Variants in COPS2 observed in about 807,000 individuals in gnomAD.
The protein encoded by COPS2 is COP9 signalosome complex subunit 2.
A neutral mutation model predicts 66.1 loss-of-function variants in COPS2; 10 were observed. That is an observed-to-expected ratio of 0.15 (90% CI 0.09 to 0.26). COPS2 has a LOEUF of 0.26. Ranked by LOEUF, COPS2 falls within the 10% of genes least tolerant of loss-of-function variation. The probability of loss-of-function intolerance (pLI) is 1.00; values close to 1 mark genes in which losing one functional copy is unlikely to be tolerated. For missense variants in COPS2, 215 were observed against 513.3 expected (o/e 0.42, Z 5.62); for synonymous variants, 179 against 171.3 (o/e 1.04, Z -0.35).
chr15:49,148,095 A>G (rs2084333734), intron 1 of COPS2, among the ~76,000 whole-genome samples: 1 of 152,184 alleles, frequency 6.6e-6, no homozygotes, highest in Non-Finnish European at 1.5e-5. Flanking sequence ...GTTATTACAC[A>G]GGCATAATTT....
intron 1 of COPS2, among the ~76,000 whole-genome samples, chr15:49,151,416 AT>A (rs1288318852): frequency 2.7e-5 from 4 of 149,486 alleles, no homozygotes; most frequent in Non-Finnish European, 4.5e-5. Flanking sequence ...AAAAAAAAAA[AT>A]TATATTCAAA....
chr15:49,151,971 G>T (rs2084365060), intron 1 of COPS2, among the ~76,000 whole-genome samples: 1 of 151,794 alleles, frequency 6.6e-6, no homozygotes, highest in South Asian at 2.1e-4. Flanking sequence ...AGAACAAAGT[G>T]ATTTAGGGTG....
intron 8 of COPS2, 42 bp from the exon 9 acceptor site, chr15:49,133,853 AAC>A (rs2084233375): frequency 6.5e-7 from 1 of 1,546,028 alleles, no homozygotes; most frequent in Non-Finnish European, 8.7e-7. Flanking sequence ...TGTACAAAGA[AAC>A]AACATTTTAA....
Position 49,134,078 on chromosome 15 carries a change from C to T in COPS2, c.746G>A (p.Gly249Asp). 6.2e-7 allele frequency: 1 copy of T among 1,612,746 alleles called. No individual in the cohort carries two copies. Among genetic ancestry groups the T allele is most frequent in the Non-Finnish European group, 8.5e-7 (1 of 1,179,582 alleles). The change falls in exon 8 of 13, where the codon GGT (glycine) becomes GAT (aspartate). Residue 249 changes from glycine (G) to aspartate (D), a missense_variant. Physicochemically the swap from Gly to Asp is moderately conservative, Grantham distance 94. This residue lies in a region of COPS2 where 56 missense variants were observed against 173.6 expected (regional missense o/e 0.32). Transcript: ENST00000388901. ...ATCAGTGTGTGCCTTTTCAAATTCA[C>T]CTTCCCTCAAGTGCATTTTACCACC... ...ECGGKMHLRE[G>D]EFEKAHTDFF...
intron 1 of COPS2, 140 bp downstream of exon 1, chr15:49,155,385 G>T: frequency 1.4e-6 from 1 of 725,600 alleles, no homozygotes; most frequent in African/African-American, 1.8e-5. Context: ...GAACGGGGAG[G>T]AGGTAAACCA....
Position 49,145,087 on chromosome 15 carries a change from G to A in COPS2, c.55-9C>T. 1.5e-6 allele frequency: 2 copies of A among 1,361,736 alleles called. No homozygotes were observed. Among genetic ancestry groups the A allele is most frequent in the Middle Eastern group, 1.9e-4 (1 of 5,404 alleles). 84.4% of individuals were successfully genotyped at this position (1,361,736 alleles called of 1,614,324 possible). A position where few individuals can be genotyped will look rare whatever the true frequency, so the allele number is the denominator to read the frequency against. On this transcript the variant is annotated splice_polypyrimidine_tract_variant and intron_variant, in intron 1 of 12. Transcript: ENST00000388901. The stretch of plus-strand genomic sequence containing the variant: ...CTATCTTCAGAGTATTCCTGTGTTG[G>A]AAAGAAAGAAATATTAAAAGAAAAA...
At chr15:49,151,301 G>A (rs2084359033) in intron 1 of COPS2, among the ~76,000 whole-genome samples, 1 of 151,612 alleles carries the variant, frequency 6.6e-6, no homozygotes, top group Non-Finnish European at 1.5e-5. Context: ...TCAGGAGGTT[G>A]AGGCAGGAGA....
Position 49,127,436 on chromosome 15 carries a change from T to C in COPS2, c.*514A>G, listed in dbSNP as rs2141120983. On this transcript the variant is annotated 3_prime_UTR_variant, in exon 13 of 13. Transcript: ENST00000388901. Reference sequence around the variant, plus strand: ...TATGGGGTTTCGTCTAAACCTTTACTACACTGCAGGTACAGAAATATACGG... The same window carrying C: ...TATGGGGTTTCGTCTAAACCTTTACCACACTGCAGGTACAGAAATATACGG... 6.5e-6 allele frequency: 1 copy of C among 153,030 alleles called. No homozygotes were observed. Among genetic ancestry groups the C allele is most frequent in the South Asian group, 2.1e-4 (1 of 4,838 alleles). The allele number at this position is 153,030 out of a possible 1,614,324, so 9.5% of individuals were successfully genotyped here.
At chr15:49,146,844 G>T (rs1461505976) in intron 1 of COPS2, among the ~76,000 whole-genome samples, 1 of 152,012 alleles carries the variant, frequency 6.6e-6, no homozygotes. Context: ...TCTTAAAATC[G>T]AGAGCAAAAT....
In COPS2 at chr15:49,123,875, A is replaced by G. The variant is rs1363712929; in HGVS notation, c.*4075T>C. 6.6e-6 allele frequency: 1 copy of G among 152,204 alleles called. No homozygotes were observed. Among genetic ancestry groups the G allele is most frequent in the Non-Finnish European group, 1.5e-5 (1 of 68,028 alleles). The allele number at this position is 152,204 out of a possible 1,614,324, so 9.4% of individuals were successfully genotyped here. ...CTTAAAATTCAAAAGCAAGTAAGTG[A>G]TGCTAAACTTTAGCATTTTGAGAAA... On this transcript the variant is annotated 3_prime_UTR_variant, in exon 13 of 13. Coordinates refer to ENST00000388901, the MANE Select transcript of COPS2 (RefSeq NM_004236.4).
At position 49,124,929 on chromosome 15, in the gene COPS2, A is replaced by G. The variant is rs2084153361; in HGVS notation, c.*3021T>C. ...GTCTTATGGACTAACTGCTTCACCC[A>G]TAGATTTAGACTGACACTGACACCA... is the stretch of plus-strand genomic sequence containing the variant. On this transcript the variant is annotated 3_prime_UTR_variant, in exon 13 of 13. Coordinates refer to ENST00000388901, the MANE Select transcript of COPS2 (RefSeq NM_004236.4). 3 of 152,212 alleles carry G rather than the reference A, an allele frequency of 2.0e-5. No homozygotes were observed. The highest frequency in any genetic ancestry group is 2.0e-4 in the Admixed American group (3 of 15,282). 9.4% of individuals were successfully genotyped at this position (152,212 alleles called of 1,614,324 possible).
Position 49,155,565 on chromosome 15 carries a change from T to C in COPS2, c.14A>G (p.Glu5Gly). MSDM[E>G]DDFMCDDEED... ...CTCATCATCGCACATGAAATCATCC[T>C]CCATGTCAGACATCTTGGCCGGGAG... Residue 5 changes from glutamate to glycine, a missense_variant, in exon 1 of 13, where the codon GAG becomes GGG. This residue lies in a region of COPS2 where 27 missense variants were observed against 21.5 expected (regional missense o/e 1.25). Transcript: ENST00000388901. 6.2e-7 allele frequency: 1 copy of C among 1,614,096 alleles called. No homozygotes were observed. Among genetic ancestry groups the C allele is most frequent in the Non-Finnish European group, 8.5e-7 (1 of 1,179,998 alleles).
intron 7 of COPS2, 111 bp downstream of exon 7, chr15:49,134,229 T>G: frequency 7.1e-7 from 1 of 1,399,706 alleles, no homozygotes; most frequent in South Asian, 1.4e-5. Flanking sequence ...ATTCTGTAAC[T>G]TGAATACTAC....
chr15:49,128,090 T>C lies in COPS2; in HGVS notation c.1192A>G (p.Ile398Val), dbSNP rs754590801. ...TTGACTTGATCAATTCGGCCATGAA[T>C]AGTGCTAGAAAGAAATAAATAAGAT... ...LLVQCILDNT[I>V]HGRIDQVNQL... Residue 398 changes from isoleucine to valine, a missense_variant, in exon 13 of 13, where the codon ATT (isoleucine) becomes GTT (valine). Transcript: ENST00000388901. 7 of 1,613,376 alleles carry C rather than the reference T, an allele frequency of 4.3e-6. No homozygotes were observed. The highest frequency in any genetic ancestry group is 1.1e-5 in the South Asian group (1 of 90,956).
At chr15:49,134,712 TATGAG>T (rs2084238267) in intron 6 of COPS2, among the ~76,000 whole-genome samples, 198 bp from the exon 7 acceptor site, 1 of 152,192 alleles carries the variant, frequency 6.6e-6, no homozygotes, top group African/African-American at 2.4e-5. Flanking sequence ...ACTTTTTAGT[TATGAG>T]ATAAGGAAAA....
In COPS2 at chr15:49,126,238, C is replaced by T. The variant is rs921240623; in HGVS notation, c.*1712G>A. On this transcript the variant is annotated 3_prime_UTR_variant, in exon 13 of 13. Transcript: ENST00000388901. ...GACATTTTGTCTTTTGTTTTCTTTC[C>T]GTTTTCTACAATTTCCAACTTGTAC... is the stretch of plus-strand genomic sequence containing the variant. The T allele has an allele frequency of 1.3e-5, 2 of 152,186 alleles. No individual in the cohort carries two copies. Among genetic ancestry groups the T allele is most frequent in the African/African-American group, 4.8e-5 (2 of 41,324 alleles). The allele number at this position is 152,186 out of a possible 1,614,324, so 9.4% of individuals were successfully genotyped here. A position where few individuals can be genotyped will look rare whatever the true frequency, so the allele number is the denominator to read the frequency against.
At chr15:49,138,928 A>G (rs938515150) in intron 4 of COPS2, among the ~76,000 whole-genome samples, 10 of 152,370 alleles carry the variant, frequency 6.6e-5, no homozygotes, top group African/African-American at 2.4e-4. Flanking sequence ...ATTAAAAATT[A>G]TCTTAGCAAA....
intron 7 of COPS2, 74 bp from the exon 8 acceptor site, chr15:49,134,182 C>T (rs2084234891): frequency 1.4e-6 from 2 of 1,439,666 alleles, no homozygotes; most frequent in Admixed American, 4.3e-5. Context: ...CTCATAAATG[C>T]CAAATGAAAA....
At chr15:49,145,121 A>C (rs747121657) in intron 1 of COPS2, 43 bp from the exon 2 acceptor site, 8 of 1,090,018 alleles carry the variant, frequency 7.3e-6, no homozygotes, top group Non-Finnish European at 1.1e-5. Flanking sequence ...AAAAGAAAAG[A>C]AACCCACACG....
Sources: allele counts gnomAD v4.1 joint callset (sites outside exome capture counted in the v4.1 genomes callset), GRCh38; gene constraint gnomAD v4.1.1; regional missense constraint gnomAD v4.1.1; transcripts MANE v1.5; gene names NCBI Gene and HGNC (gene_info 2026-07-23, HGNC 2026-07-21).